The following CNBD1 variants were observed in gnomAD, a reference collection of about 807,000 sequenced individuals.
CNBD1 encodes cyclic nucleotide-binding domain-containing protein 1.
CNBD1 carries 71 observed loss-of-function variants against 54.4 expected under a neutral mutation model. The observed-to-expected ratio is 1.30, with a 90% confidence interval of 1.08 to 1.59. The LOEUF (loss-of-function observed/expected upper bound fraction) is 1.59, where lower values mean the gene tolerates loss of function less well. Among genes scored for constraint, CNBD1 ranks in the 40% most tolerant of loss-of-function variants. The probability of loss-of-function intolerance (pLI) is 0.00; values close to 1 mark genes in which losing one functional copy is unlikely to be tolerated. For missense variants in CNBD1, 659 were observed against 518.0 expected (o/e 1.27, Z -2.64); for synonymous variants, 182 against 170.7 (o/e 1.07, Z -0.51).
At chr8:87,087,631 T>A (rs555149114) in intron 4 of CNBD1, among the ~76,000 whole-genome samples, 4 of 150,196 alleles carry the variant, frequency 2.7e-5, no homozygotes, top group East Asian at 3.9e-4. Context: ...GCCCGGCTAT[T>A]TTTTTTTTGT....
intron 2 of CNBD1, among the ~76,000 whole-genome samples, chr8:87,414,682 AC>A (rs1169478198): frequency 7.2e-5 from 11 of 152,050 alleles, no homozygotes; most frequent in Non-Finnish European, 1.6e-4. Context: ...AATTAATTAA[AC>A]ATTACTGGTT....
At chr8:87,369,660 G>C (rs1810719607) in intron 10 of CNBD1, among the ~76,000 whole-genome samples, 1 of 151,928 alleles carries the variant, frequency 6.6e-6, no homozygotes, top group South Asian at 2.1e-4. Flanking sequence ...TTTCCAATGA[G>C]AAGTTGCTGT....
chr8:87,180,710 C>G (rs930174250), intron 4 of CNBD1, among the ~76,000 whole-genome samples: 1 of 152,204 alleles, frequency 6.6e-6, no homozygotes, highest in South Asian at 2.1e-4. Flanking sequence ...AAACCTACCC[C>G]TTATTCCACC....
intron 4 of CNBD1, among the ~76,000 whole-genome samples, chr8:87,102,346 T>G (rs1163181528): frequency 6.6e-6 from 1 of 152,164 alleles, no homozygotes; most frequent in African/African-American, 2.4e-5. Context: ...GTAAAGATAC[T>G]GGAAGATAGA....
chr8:87,353,663 G>T lies in CNBD1; in HGVS notation c.1180G>T (p.Gly394Trp). 1.3e-6 allele frequency: 2 copies of T among 1,594,636 alleles called. No individual in the cohort carries two copies. Among genetic ancestry groups the T allele is most frequent in the Non-Finnish European group, 1.7e-6 (2 of 1,171,916 alleles). Residue 394 changes from glycine to tryptophan, a missense_variant, in exon 10 of 11, where the codon GGG (glycine) becomes TGG (tryptophan). By Grantham distance (184) the Gly-to-Trp change is radical. Transcript: ENST00000518476. ...VKRSQKLVYM[G>W]KLKEKESFGE... ...AAGATCTCAAAAACTTGTTTATATG[G>T]GGAAACTTAAGGAGAAGGAGTCCTT...
intron 5 of CNBD1, among the ~76,000 whole-genome samples, chr8:87,229,337 A>G (rs1814609869): frequency 6.6e-6 from 1 of 152,108 alleles, no homozygotes; most frequent in Non-Finnish European, 1.5e-5. Context: ...TGTATTTTGA[A>G]TATTTGAATG....
intron 4 of CNBD1, among the ~76,000 whole-genome samples, chr8:87,176,483 AT>A (rs35416460): frequency 0.28 from 37,334 of 134,048 alleles, 4,759 homozygotes; most frequent in African/African-American, 0.39. Context: ...TTAAGTTAGT[AT>A]TTTTTTTTTT....
chr8:86,947,923 G>A (rs540230031), intron 4 of CNBD1, among the ~76,000 whole-genome samples: 1 of 152,062 alleles, frequency 6.6e-6, no homozygotes, highest in East Asian at 1.9e-4. Flanking sequence ...ACCCTTCCCA[G>A]ACTCTGGTAA....
intron 4 of CNBD1, among the ~76,000 whole-genome samples, chr8:87,067,645 CTTTTAGAGATTTTAGAACA>C (rs1810681570): frequency 6.6e-6 from 1 of 151,834 alleles, no homozygotes; most frequent in Non-Finnish European, 1.5e-5. Flanking sequence ...ATAAGCATTT[CTTTTAGAGATTTTAGAACA>C]TTCTTTGCAT....
At chr8:87,324,342 CT>C (rs1358329396) in intron 8 of CNBD1, among the ~76,000 whole-genome samples, 2 of 126,458 alleles carry the variant, frequency 1.6e-5, no homozygotes, top group African/African-American at 5.8e-5. Context: ...AGGATTCCCT[CT>C]TTTTCTATTG....
chr8:87,087,247 GTATATATATATATACATATATA>G (rs1290215047), intron 4 of CNBD1, among the ~76,000 whole-genome samples: 6 of 132,150 alleles, frequency 4.5e-5, no homozygotes, highest in Non-Finnish European at 9.4e-5. Flanking sequence ...ATATATATAC[GTATATATATATATACATATATA>G]TATACGTATA....
At chr8:87,220,920 G>C (rs934287785) in intron 5 of CNBD1, among the ~76,000 whole-genome samples, 1 of 152,000 alleles carries the variant, frequency 6.6e-6, no homozygotes, top group African/African-American at 2.4e-5. Flanking sequence ...ACATGAGAAT[G>C]CCACTATTGC....
At chr8:87,357,674 A>T (rs938645588) in intron 10 of CNBD1, among the ~76,000 whole-genome samples, 2 of 152,164 alleles carry the variant, frequency 1.3e-5, no homozygotes, top group African/African-American at 4.8e-5. Context: ...TGAGTCTCAG[A>T]TGGAACTTTG....
At chr8:87,295,799 AT>A (rs1461538837) in intron 8 of CNBD1, among the ~76,000 whole-genome samples, 1 of 152,166 alleles carries the variant, frequency 6.6e-6, no homozygotes, top group Non-Finnish European at 1.5e-5. Flanking sequence ...ATTTTCTCAC[AT>A]TTGAAGCAAA....
At chr8:87,058,126 C>A (rs1810461856) in intron 4 of CNBD1, among the ~76,000 whole-genome samples, 1 of 152,144 alleles carries the variant, frequency 6.6e-6, no homozygotes, top group Admixed American at 6.6e-5. Context: ...AGTCCAGAAT[C>A]CAAATAGCAG....
Position 87,365,115 on chromosome 8 carries a change from G to A in CNBD1, c.1303+11329G>A, listed in dbSNP as rs535614007. On this transcript the variant is annotated intron_variant, in intron 10 of 10. Coordinates refer to ENST00000518476, the MANE Select transcript of CNBD1 (RefSeq NM_173538.3). Reference sequence around the variant, plus strand: ...CCTAATTTACACTCGCACCAACAGTGTATAAGTGTCCCCTTTTCTCCACAA... The same window carrying A: ...CCTAATTTACACTCGCACCAACAGTATATAAGTGTCCCCTTTTCTCCACAA... 3.2e-3 allele frequency among the ~76,000 whole-genome samples: 471 copies of A among 147,512 alleles called. 2 individuals are homozygous for A. The highest frequency in any genetic ancestry group is 0.012 in the African/African-American group (444 of 37,416).
intron 8 of CNBD1, among the ~76,000 whole-genome samples, chr8:87,312,308 G>A (rs753908110): frequency 1.3e-5 from 2 of 152,078 alleles, no homozygotes; most frequent in Non-Finnish European, 2.9e-5. Context: ...ACAATTGTGT[G>A]TGAGTTACAT....
chr8:86,905,514 T>C (rs1042669075), intron 3 of CNBD1, among the ~76,000 whole-genome samples: 1 of 152,130 alleles, frequency 6.6e-6, no homozygotes, highest in Non-Finnish European at 1.5e-5. Context: ...AACTTCCCAA[T>C]GGAAATGATT....
intron 4 of CNBD1, among the ~76,000 whole-genome samples, chr8:86,951,277 C>A (rs887120222): frequency 5.3e-5 from 8 of 151,966 alleles, no homozygotes; most frequent in African/African-American, 1.9e-4. Context: ...TTTTTAGCTA[C>A]ATTCAGTTTT....
Sources: gnomAD v4.1 joint callset for allele counts (sites outside exome capture counted in the v4.1 genomes callset) on GRCh38, gnomAD v4.1.1 for gene constraint, MANE v1.5 for transcripts, NCBI Gene and HGNC (gene_info 2026-07-23, HGNC 2026-07-21) for gene names.